CAGE1: variants seen among roughly 807,000 people sequenced by gnomAD.
CAGE1 encodes cancer-associated gene 1 protein.
In CAGE1, 66 loss-of-function variants were observed where a neutral mutation model predicts 94.9. The observed-to-expected ratio is 0.70, with a 90% CI of 0.57 to 0.85. CAGE1 has a LOEUF of 0.85. CAGE1 is among the 40% of genes least tolerant of loss of function. The probability of loss-of-function intolerance (pLI) is 0.00; values close to 1 mark genes in which losing one functional copy is unlikely to be tolerated. For missense variants in CAGE1, 865 were observed against 950.4 expected, an observed-to-expected ratio of 0.91 and a Z score of 1.18; for synonymous variants, 319 against 321.0, an observed-to-expected ratio of 0.99 and a Z score of 0.07.
rs2876098 is a variant in CAGE1 at position 7,373,974 on chromosome 6, T to C, written c.845A>G (p.Glu282Gly). The change falls in exon 5 of 14, where the codon GAG becomes GGG. Residue 282 changes from glutamate to glycine, a missense_variant. By Grantham distance (98) the Glu-to-Gly change is moderately conservative. Transcript: ENST00000502583. ...GISWRSEACR[E>G]NCEMPDWEQS... Reference sequence around the variant, plus strand: ...CTCCCAGTCAGGCATCTCACAGTTCTCCCGACATGCTTCACTCCTCCAGGA... The same window carrying C: ...CTCCCAGTCAGGCATCTCACAGTTCCCCCGACATGCTTCACTCCTCCAGGA... 1.2e-6 allele frequency: 2 copies of C among 1,613,908 alleles called. No homozygotes were observed. The highest frequency in any genetic ancestry group is 1.1e-5 in the South Asian group (1 of 91,080).
intron 12 of CAGE1, among the ~76,000 whole-genome samples, chr6:7,331,925 G>C (rs1448876553): frequency 6.6e-6 from 1 of 152,210 alleles, no homozygotes; most frequent in African/African-American, 2.4e-5. Flanking sequence ...TGCACTCAGA[G>C]AAGCTTTTCC....
At chr6:7,388,115 C>G (rs1034603898) in intron 1 of CAGE1, among the ~76,000 whole-genome samples, 1 of 151,684 alleles carries the variant, frequency 6.6e-6, no homozygotes, top group Non-Finnish European at 1.5e-5. Context: ...CCATATTCTC[C>G]TGACTTCCTC....
At chr6:7,350,937 CA>C (rs1387054451) in intron 11 of CAGE1, among the ~76,000 whole-genome samples, 1 of 151,702 alleles carries the variant, frequency 6.6e-6, no homozygotes, top group African/African-American at 2.4e-5. Flanking sequence ...TAAATTGAAA[CA>C]AAAAATACAA....
chr6:7,343,965 C>A (rs1398699406), intron 11 of CAGE1, among the ~76,000 whole-genome samples: 1 of 152,184 alleles, frequency 6.6e-6, no homozygotes, highest in Non-Finnish European at 1.5e-5. Flanking sequence ...ACAGACAGCA[C>A]GTAATGTTGT....
At chr6:7,385,119 C>T (rs1761074283) in intron 3 of CAGE1, among the ~76,000 whole-genome samples, 1 of 152,106 alleles carries the variant, frequency 6.6e-6, no homozygotes, top group Non-Finnish European at 1.5e-5. Flanking sequence ...GAGTCTCCTG[C>T]CTAAGCCTCC....
At chr6:7,332,347 C>T (rs929631846) in intron 12 of CAGE1, among the ~76,000 whole-genome samples, 2 of 152,150 alleles carry the variant, frequency 1.3e-5, no homozygotes, top group South Asian at 4.1e-4. Flanking sequence ...GGAGGCATTT[C>T]TCCTCTGGGT....
intron 12 of CAGE1, 32 bp from the exon 13 acceptor site, chr6:7,329,920 A>T (rs1477511887): frequency 9.7e-7 from 1 of 1,036,260 alleles, no homozygotes; most frequent in Non-Finnish European, 1.5e-6. Flanking sequence ...TAATGTAAAA[A>T]GGAGGAAGGG....
intron 11 of CAGE1, among the ~76,000 whole-genome samples, chr6:7,344,870 T>A (rs1045663803): frequency 6.6e-6 from 1 of 152,174 alleles, no homozygotes; most frequent in East Asian, 1.9e-4. Context: ...AGAACCTTTG[T>A]GTCGACACTC....
At chr6:7,376,529 G>A (rs568198503) in intron 4 of CAGE1, among the ~76,000 whole-genome samples, 43 of 152,094 alleles carry the variant, frequency 2.8e-4, no homozygotes, top group African/African-American at 9.9e-4. Context: ...AGAGACCCTC[G>A]AGTGATGCTG....
chr6:7,357,878 C>CT (rs1760013493), intron 9 of CAGE1, among the ~76,000 whole-genome samples: 1 of 151,374 alleles, frequency 6.6e-6, no homozygotes, highest in East Asian at 1.9e-4. Flanking sequence ...ACTGCAACCT[C>CT]TGCCTCCAGG....
In CAGE1 at chr6:7,362,091, T is replaced by G. The variant is rs1185568905; in HGVS notation, c.2193+3377A>C. Among the ~76,000 whole-genome samples the G allele has an allele frequency of 6.6e-6, 1 of 152,246 alleles. No individual in the cohort carries two copies. Among genetic ancestry groups the G allele is most frequent in the Non-Finnish European group, 1.5e-5 (1 of 68,042 alleles). On this transcript the variant is annotated intron_variant, in intron 9 of 13. Coordinates refer to ENST00000502583, the MANE Select transcript of CAGE1 (RefSeq NM_001170692.2). This position sits in a 1 kb window ranked among gnomAD's most constrained non-coding sequence, Gnocchi z 4.1. ...TTCCTAAAGCAGTAATTTTCTACTT[T>G]GCCTGTTCCTTTCTTATTCTTGTGA...
chr6:7,328,965 T>C (rs1758643387), intron 13 of CAGE1: 1 of 160,374 alleles, frequency 6.2e-6, no homozygotes, highest in African/African-American at 2.5e-5. Context: ...AGAGTCTCTC[T>C]CTGTCGCCCA....
intron 9 of CAGE1, among the ~76,000 whole-genome samples, chr6:7,358,164 C>T (rs1017606926): frequency 6.7e-6 from 1 of 150,240 alleles, no homozygotes; most frequent in African/African-American, 2.4e-5. Flanking sequence ...ATCCCTCCCT[C>T]CTGCCCATCT....
rs1761153883 is a variant in CAGE1 at position 7,387,284 on chromosome 6, C to T, written c.-23-88G>A. 7 of 679,206 alleles carry T rather than the reference C, an allele frequency of 1.0e-5. No homozygotes were observed. In the East Asian group the frequency reaches 1.9e-4, roughly 19 times the overall value. The allele number at this position is 679,206 out of a possible 1,614,324, so 42.1% of individuals were successfully genotyped here. Reference sequence around the variant, plus strand: ...CTCATTAAGAAAGTAGCAAAGTTCACTGCCCTTATTTGAAATGTCATTTGT... The same window carrying T: ...CTCATTAAGAAAGTAGCAAAGTTCATTGCCCTTATTTGAAATGTCATTTGT... On this transcript the variant is annotated intron_variant, in intron 1 of 13. Transcript: ENST00000502583.
At chr6:7,358,930 C>T (rs1359581131) in intron 9 of CAGE1, among the ~76,000 whole-genome samples, 1 of 152,234 alleles carries the variant, frequency 6.6e-6, no homozygotes, top group Admixed American at 6.5e-5. Flanking sequence ...TACATCCCAA[C>T]CAGCAGCGAA....
chr6:7,368,698 A>C lies in CAGE1; in HGVS notation c.1994T>G (p.Leu665Ter), dbSNP rs1216841716. 1.3e-6 allele frequency: 2 copies of C among 1,483,806 alleles called. No individual in the cohort carries two copies. Among genetic ancestry groups the C allele is most frequent in the Non-Finnish European group, 1.8e-6 (2 of 1,101,268 alleles). The allele number at this position is 1,483,806 out of a possible 1,614,324, so 91.9% of individuals were successfully genotyped here. A position where few individuals can be genotyped will look rare whatever the true frequency, so the allele number is the denominator to read the frequency against. ...GAATAAATATAATACCTCTTTATCTAAAGTTTTCTTTTTAAGATGGAGGCT... is the reference window on the plus strand; with the variant it reads ...GAATAAATATAATACCTCTTTATCTCAAGTTTTCTTTTTAAGATGGAGGCT... ...LKSLHLKKKT[L>*]DKELLKHKDR... The change falls in exon 7 of 14, where the codon TTA becomes TGA. Residue 665 changes from leucine to a stop codon, truncating the protein, a stop_gained. Coordinates refer to ENST00000502583, the MANE Select transcript of CAGE1 (RefSeq NM_001170692.2). LOFTEE classifies it high-confidence loss of function.
At chr6:7,365,624 G>A (rs772664293) in intron 8 of CAGE1, 49 bp from the exon 9 acceptor site, 12 of 1,551,644 alleles carry the variant, frequency 7.7e-6, no homozygotes, top group Non-Finnish European at 9.7e-6. Flanking sequence ...CATACTCCTT[G>A]GAATACCTGA....
chr6:7,358,612 G>A (rs145653486), intron 9 of CAGE1, among the ~76,000 whole-genome samples: 1,923 of 152,224 alleles, frequency 0.013, 37 homozygotes, highest in African/African-American at 0.044. Context: ...AGACGGAGGC[G>A]GGAGGATTGC....
chr6:7,346,248 A>G (rs751143446), intron 11 of CAGE1, among the ~76,000 whole-genome samples: 2 of 152,200 alleles, frequency 1.3e-5, no homozygotes, highest in Non-Finnish European at 2.9e-5. Flanking sequence ...AACAGACTAG[A>G]TTTGATTTTT....
Sources: allele counts gnomAD v4.1 joint callset (sites outside exome capture counted in the v4.1 genomes callset), GRCh38; gene constraint gnomAD v4.1.1; non-coding constraint Gnocchi (gnomAD v3.1); transcripts MANE v1.5; gene names NCBI Gene and HGNC (gene_info 2026-07-23, HGNC 2026-07-21).